Variants in SLC12A8 observed in about 807,000 individuals in gnomAD.
SLC12A8 encodes the protein cation-chloride cotransporter 9.
Under a neutral mutation model 75.6 loss-of-function variants are expected in SLC12A8, and 69 were observed. That is an observed-to-expected ratio of 0.91 (90% CI 0.75 to 1.11). The LOEUF (loss-of-function observed/expected upper bound fraction) is 1.11. Ranked by LOEUF, SLC12A8 falls within the 50% of genes most tolerant of loss-of-function variation. The pLI is 0.00. For missense variants in SLC12A8, 877 were observed against 896.7 expected (o/e 0.98, Z 0.28); for synonymous variants, 365 against 372.8 (o/e 0.98, Z 0.24).
At chr3:125,164,557 T>C (rs1934246027) in intron 5 of SLC12A8, among the ~76,000 whole-genome samples, 2 of 152,306 alleles carry the variant, frequency 1.3e-5, no homozygotes, top group South Asian at 4.2e-4. Context: ...AGCCAGTCCT[T>C]ACGTCAGGGG....
chr3:125,183,784 AG>A (rs1443170946), intron 4 of SLC12A8, among the ~76,000 whole-genome samples: 1 of 151,962 alleles, frequency 6.6e-6, no homozygotes, highest in African/African-American at 2.4e-5. Flanking sequence ...AAGAACCCTC[AG>A]GCCCACACAG....
intron 5 of SLC12A8, among the ~76,000 whole-genome samples, chr3:125,153,648 A>ATT (rs1283067302): frequency 0.02 from 2,021 of 100,778 alleles, 41 homozygotes; most frequent in African/African-American, 0.06. Flanking sequence ...ATTTATTTAT[A>ATT]TATTTTTTGA....
chr3:125,189,616 G>A (rs1046986292), intron 3 of SLC12A8, among the ~76,000 whole-genome samples: 1 of 152,224 alleles, frequency 6.6e-6, no homozygotes, highest in Admixed American at 6.5e-5. Flanking sequence ...GCCATGTCTT[G>A]TCTTTTGTGA....
intron 1 of SLC12A8, 65 bp from the exon 2 acceptor site, chr3:125,211,459 T>C (rs1935336111): frequency 1.1e-6 from 1 of 880,200 alleles, no homozygotes; most frequent in South Asian, 1.3e-5. Context: ...TTGTCCATCC[T>C]TTCTCTCTAC....
At chr3:125,144,341 T>C (rs763763856) in intron 5 of SLC12A8, among the ~76,000 whole-genome samples, 1 of 152,118 alleles carries the variant, frequency 6.6e-6, no homozygotes, top group African/African-American at 2.4e-5. Flanking sequence ...GATTCAAACG[T>C]TGTGCTGCCA....
intron 5 of SLC12A8, among the ~76,000 whole-genome samples, chr3:125,173,734 A>C (rs1934458952): frequency 6.6e-6 from 1 of 152,242 alleles, no homozygotes; most frequent in African/African-American, 2.4e-5. Context: ...GACTGGGGAG[A>C]AAAAATTTGC....
At chr3:125,160,938 G>C (rs569941857) in intron 5 of SLC12A8, among the ~76,000 whole-genome samples, 1 of 152,350 alleles carries the variant, frequency 6.6e-6, no homozygotes, top group African/African-American at 2.4e-5. Context: ...CACTCATCCA[G>C]ATTCCACATG....
At chr3:125,144,848 C>T (rs1391927092) in intron 5 of SLC12A8, among the ~76,000 whole-genome samples, 1 of 152,102 alleles carries the variant, frequency 6.6e-6, no homozygotes, top group Non-Finnish European at 1.5e-5. Context: ...GTCAAGTGAC[C>T]CCTGCAGGGA....
chr3:125,106,550 G>C (rs1939030462), intron 10 of SLC12A8, among the ~76,000 whole-genome samples: 1 of 152,116 alleles, frequency 6.6e-6, no homozygotes, highest in Admixed American at 6.5e-5. Flanking sequence ...ATTACAGGCA[G>C]CAGCCACCAT....
chr3:125,187,158 C>A lies in SLC12A8; in HGVS notation c.390+79G>T, dbSNP rs12630700. ...GCAATTGTCCCCACCCTCGCTTCTC[C>A]CCAGGTCAAGTGAGGAAATGGACAA... On this transcript the variant is annotated intron_variant, in intron 4 of 13. Transcript: ENST00000469902. 25,202 of 1,474,744 alleles carry A rather than the reference C, an allele frequency of 0.017. 343 individuals carry two copies. The highest frequency in any genetic ancestry group is 0.067 in the East Asian group (2,919 of 43,820). 91.4% of individuals were successfully genotyped at this position (1,474,744 alleles called of 1,614,324 possible). A position where few individuals can be genotyped will look rare whatever the true frequency, so the allele number is the denominator to read the frequency against.
At chr3:125,111,099 A>T (rs1176197611) in intron 8 of SLC12A8, among the ~76,000 whole-genome samples, 2 of 152,204 alleles carry the variant, frequency 1.3e-5, no homozygotes, top group African/African-American at 4.8e-5. Context: ...TCAGTGCTCC[A>T]TAGCATCCCC....
At chr3:125,132,792 A>G (rs950449123) in intron 6 of SLC12A8, among the ~76,000 whole-genome samples, 5 of 152,194 alleles carry the variant, frequency 3.3e-5, no homozygotes, top group Non-Finnish European at 2.9e-5. Flanking sequence ...TGAGACTCCA[A>G]GGAAAATAGT....
intron 13 of SLC12A8, among the ~76,000 whole-genome samples, chr3:125,085,737 C>A (rs1000387039): frequency 4.0e-5 from 6 of 151,774 alleles, no homozygotes; most frequent in Admixed American, 2.0e-4. Flanking sequence ...CCACCACACC[C>A]GGCTAACTTT....
At chr3:125,144,161 G>A (rs1291244736) in intron 5 of SLC12A8, among the ~76,000 whole-genome samples, 1 of 152,186 alleles carries the variant, frequency 6.6e-6, no homozygotes, top group East Asian at 1.9e-4. Context: ...TCTCACCTGG[G>A]CCCCAGGAAA....
chr3:125,185,724 C>G (rs2107793184), intron 4 of SLC12A8, among the ~76,000 whole-genome samples: 1 of 152,300 alleles, frequency 6.6e-6, no homozygotes, highest in East Asian at 1.9e-4. Flanking sequence ...AAAATGTTAA[C>G]AAACCAAATT....
chr3:125,143,637 G>A (rs1385868376), intron 5 of SLC12A8, among the ~76,000 whole-genome samples: 1 of 152,258 alleles, frequency 6.6e-6, no homozygotes, highest in Non-Finnish European at 1.5e-5. Flanking sequence ...CAGAGGGCCA[G>A]GGGAGTCCCG....
intron 10 of SLC12A8, among the ~76,000 whole-genome samples, chr3:125,104,021 G>C (rs1324720317): frequency 2.0e-5 from 3 of 150,792 alleles, no homozygotes; most frequent in Admixed American, 2.0e-4. Context: ...AAAAAAAAGA[G>C]AGAGAAAGAG....
At chr3:125,136,409 G>C (rs1189485439) in intron 5 of SLC12A8, among the ~76,000 whole-genome samples, 1 of 152,108 alleles carries the variant, frequency 6.6e-6, no homozygotes, top group Non-Finnish European at 1.5e-5. Flanking sequence ...AGCCCAAATG[G>C]TGCTCCTTTG....
chr3:125,187,631 G>C (rs917792020), intron 3 of SLC12A8, among the ~76,000 whole-genome samples: 1 of 152,120 alleles, frequency 6.6e-6, no homozygotes, highest in South Asian at 2.1e-4. Context: ...GAAAGGAAGC[G>C]TCCTGGCTGC....
Sources: allele counts gnomAD v4.1 joint callset (sites outside exome capture counted in the v4.1 genomes callset), GRCh38; gene constraint gnomAD v4.1.1; transcripts MANE v1.5; gene names NCBI Gene and HGNC (gene_info 2026-07-23, HGNC 2026-07-21).